Variants in NAMPT observed in about 807,000 individuals in gnomAD.
NAMPT encodes the protein nicotinamide phosphoribosyltransferase, also known as NAmPRTase.
A neutral mutation model predicts 58.7 loss-of-function variants in NAMPT; 7 were observed. The ratio of observed to expected loss-of-function variants is 0.12; its 90% CI spans 0.07 to 0.22. NAMPT has a LOEUF of 0.22. NAMPT is among the 10% of genes least tolerant of loss of function. The pLI is 1.00. For missense variants in NAMPT, 271 were observed against 567.9 expected, an observed-to-expected ratio of 0.48 and a Z score of 5.31; for synonymous variants, 145 against 198.1, an observed-to-expected ratio of 0.73 and a Z score of 2.25.
At position 106,268,607 on chromosome 7, in the gene NAMPT, A is replaced by G; in HGVS notation, c.607-7T>C. On this transcript the variant is annotated splice_region_variant and splice_polypyrimidine_tract_variant and intron_variant, in intron 5 of 10. Transcript: ENST00000222553. ...ATGCTCCTATGCCAGCAGTCTGGAA[A>G]ATCAATCATAAACCAAAATCCAAAA... is the stretch of plus-strand genomic sequence containing the variant. The G allele has an allele frequency of 6.2e-7, 1 of 1,605,750 alleles. No individual in the cohort carries two copies.
chr7:106,285,404 C>T (rs113472608), upstream of NAMPT: 6,788 of 489,144 alleles, frequency 0.014, 60 homozygotes, highest in Non-Finnish European at 0.016. Flanking sequence ...GGAGCCGGTT[C>T]GCCCGCCCCG....
intron 7 of NAMPT, among the ~76,000 whole-genome samples, chr7:106,262,653 C>A (rs1219137322): frequency 3.3e-5 from 5 of 151,670 alleles, no homozygotes; most frequent in South Asian, 2.1e-4. Context: ...AGCAAGGCTG[C>A]AGCCAAAAGA....
In NAMPT at chr7:106,254,421, T is replaced by C. The variant is rs1190353977; in HGVS notation, c.1173A>G (p.Thr391=). 20 of 1,613,962 alleles carry C rather than the reference T, an allele frequency of 1.2e-5. No individual in the cohort carries two copies. Among genetic ancestry groups the C allele is most frequent in the Non-Finnish European group, 1.7e-5 (20 of 1,179,872 alleles). Residue 391 remains threonine, a synonymous_variant, in exon 9 of 11, where the codon ACA becomes ACG. Coordinates refer to ENST00000222553, the MANE Select transcript of NAMPT (RefSeq NM_005746.3). ...GSGGGLLQKL[T]RDLLNCSFKC... ...TGAAGGAACAATTCAAGAGATCTCT[T>C]GTCAACTTCTGTAGCAAACCTCCAC...
intron 6 of NAMPT, among the ~76,000 whole-genome samples, chr7:106,267,866 A>AAAAAAAAC (rs1792453451): frequency 4.5e-5 from 6 of 133,566 alleles, no homozygotes; most frequent in Non-Finnish European, 1.0e-4. Context: ...AAAAAAAAAA[A>AAAAAAAAC]AAAAAAAAAA....
intron 5 of NAMPT, among the ~76,000 whole-genome samples, chr7:106,268,885 T>C (rs1792477781): frequency 6.6e-6 from 1 of 152,224 alleles, no homozygotes; most frequent in South Asian, 2.1e-4. Flanking sequence ...CTTGAGCTTC[T>C]TTATGGCATT....
At chr7:106,261,849 G>T in intron 7 of NAMPT, 142 bp from the exon 8 acceptor site, 1 of 836,296 alleles carries the variant, frequency 1.2e-6, no homozygotes, top group Non-Finnish European at 1.9e-6. Context: ...CTATGTATAT[G>T]CTCTCTAAAA....
chr7:106,283,487 T>A (rs1457214521), intron 1 of NAMPT, among the ~76,000 whole-genome samples: 2 of 151,934 alleles, frequency 1.3e-5, no homozygotes, highest in African/African-American at 4.8e-5. Flanking sequence ...AAGAAAAAAA[T>A]TCTACAAAAC....
intron 1 of NAMPT, among the ~76,000 whole-genome samples, chr7:106,277,909 A>T (rs1317869242): frequency 6.6e-6 from 1 of 152,240 alleles, no homozygotes; most frequent in Non-Finnish European, 1.5e-5. Context: ...AAAAGTAAAA[A>T]GTGAGTGTTC....
At chr7:106,276,897 C>G (rs1348143892) in intron 2 of NAMPT, 126 bp downstream of exon 2, 1 of 762,690 alleles carries the variant, frequency 1.3e-6, no homozygotes, top group Non-Finnish European at 2.1e-6. Context: ...CTTAGAACAT[C>G]AAACACACAC....
chr7:106,258,374 G>A (rs1301853817), intron 8 of NAMPT, among the ~76,000 whole-genome samples: 1 of 152,018 alleles, frequency 6.6e-6, no homozygotes. Context: ...AAACTCTTTC[G>A]AACAGAAAAA....
upstream of NAMPT, chr7:106,285,557 G>T (rs188254045): frequency 1.0e-6 from 1 of 985,932 alleles, no homozygotes; most frequent in Non-Finnish European, 1.2e-6. Context: ...CTCCGGCCTG[G>T]ATTAAGGATC....
chr7:106,256,682 A>G (rs1204826022), intron 8 of NAMPT, among the ~76,000 whole-genome samples: 1 of 152,218 alleles, frequency 6.6e-6, no homozygotes, highest in African/African-American at 2.4e-5. Flanking sequence ...TGACTGCTCA[A>G]CTGTAGGCTA....
intron 1 of NAMPT, among the ~76,000 whole-genome samples, chr7:106,280,457 CT>C (rs985799346): frequency 2.6e-5 from 4 of 152,150 alleles, no homozygotes; most frequent in Non-Finnish European, 4.4e-5. Context: ...ATCATGTTAA[CT>C]TTTTTAGCAC....
At chr7:106,256,890 T>C (rs1792210903) in intron 8 of NAMPT, among the ~76,000 whole-genome samples, 1 of 152,188 alleles carries the variant, frequency 6.6e-6, no homozygotes, top group Non-Finnish European at 1.5e-5. Flanking sequence ...AAAGGTATTT[T>C]TCTGGCCAGG....
At chr7:106,255,724 A>G (rs1792187570) in intron 8 of NAMPT, among the ~76,000 whole-genome samples, 2 of 152,184 alleles carry the variant, frequency 1.3e-5, no homozygotes, top group Non-Finnish European at 2.9e-5. Flanking sequence ...TCATGTCTTT[A>G]TTGTACCTGA....
intron 1 of NAMPT, among the ~76,000 whole-genome samples, chr7:106,280,935 C>T (rs754192621): frequency 4.7e-5 from 7 of 150,270 alleles, no homozygotes; most frequent in East Asian, 1.9e-4. Context: ...AGCAACACTC[C>T]GTCTCAAAAA....
In NAMPT at chr7:106,250,995, T is replaced by C. The variant is rs1303115371; in HGVS notation, c.*88A>G. The C allele has an allele frequency of 2.0e-6, 2 of 979,670 alleles. No homozygotes were observed. The highest frequency in any genetic ancestry group is 4.1e-5 in the Admixed American group (2 of 49,284). 60.7% of individuals were successfully genotyped at this position (979,670 alleles called of 1,614,324 possible). ...TCCATAAACCAACAAATAATTTGGC[T>C]GTAATGTATCATAAAACACAAACCC... is the stretch of plus-strand genomic sequence containing the variant. On this transcript the variant is annotated 3_prime_UTR_variant, in exon 11 of 11. Transcript: ENST00000222553.
intron 6 of NAMPT, among the ~76,000 whole-genome samples, chr7:106,267,129 C>T (rs911791975): frequency 6.6e-6 from 1 of 152,192 alleles, no homozygotes; most frequent in African/African-American, 2.4e-5. Context: ...ACCAATCCTT[C>T]AAGAAGTGAA....
rs764610706 is a variant in NAMPT at position 106,284,888 on chromosome 7, G to A, written c.-4C>T. On this transcript the variant is annotated 5_prime_UTR_variant, in exon 1 of 11. Transcript: ENST00000222553. ...CGGCTTCTGCCGCAGGATTCATCTC[G>A]GGCCGGAGGACAGGGGCCGCGCGCC... is the stretch of plus-strand genomic sequence containing the variant. 1.9e-6 allele frequency: 3 copies of A among 1,583,390 alleles called. No homozygotes were observed. The highest frequency in any genetic ancestry group is 1.8e-5 in the Admixed American group (1 of 56,134).
Sources: gnomAD v4.1 joint callset for allele counts (sites outside exome capture counted in the v4.1 genomes callset) on GRCh38, gnomAD v4.1.1 for gene constraint, MANE v1.5 for transcripts, NCBI Gene and HGNC (gene_info 2026-07-23, HGNC 2026-07-21) for gene names.